Variants in STAU2 observed in about 807,000 individuals in gnomAD.
STAU2 encodes the protein double-stranded RNA-binding protein Staufen homolog 2.
STAU2 carries 20 observed loss-of-function variants against 65.9 expected under a neutral mutation model. The observed-to-expected ratio is 0.30, with a 90% CI of 0.21 to 0.44. The LOEUF (loss-of-function observed/expected upper bound fraction) is 0.44, where lower values mean the gene tolerates loss of function less well. Ranked by LOEUF, STAU2 falls within the 20% of genes least tolerant of loss-of-function variation. STAU2 has a pLI of 1.00. For synonymous variants in STAU2, 232 were observed against 233.9 expected (o/e 0.99, Z 0.07); for missense variants, 558 against 683.9 (o/e 0.82, Z 2.05).
At chr8:73,593,630 T>G (rs1810976494) in intron 11 of STAU2, among the ~76,000 whole-genome samples, 1 of 152,194 alleles carries the variant, frequency 6.6e-6, no homozygotes, top group South Asian at 2.1e-4. Context: ...AGTGGTGAAC[T>G]CTGAGTAAAG....
intron 13 of STAU2, among the ~76,000 whole-genome samples, chr8:73,543,275 C>T (rs1334194121): frequency 2.6e-5 from 4 of 152,104 alleles, no homozygotes; most frequent in Admixed American, 6.6e-5. Flanking sequence ...GGAAAATCGG[C>T]GGCAAGGGCG....
rs16938648 is a variant in STAU2, at chr8:73,420,561, C to T, written c.*811G>A. 6,105 of 207,274 alleles carry T rather than the reference C, an allele frequency of 0.029. 288 individuals are homozygous for T. The highest frequency in any genetic ancestry group is 0.13 in the Admixed American group (2,574 of 19,542). 12.8% of individuals were successfully genotyped at this position (207,274 alleles called of 1,614,324 possible). ...TACAAAAAACACTCTTGATGCAAAC[C>T]GTGAGTGGCTACAACACACGGATGG... On this transcript the variant is annotated 3_prime_UTR_variant, in exon 15 of 15. Coordinates refer to ENST00000524300, the MANE Select transcript of STAU2 (RefSeq NM_001164380.2).
intron 3 of STAU2, among the ~76,000 whole-genome samples, chr8:73,721,479 C>T (rs1397072943): frequency 6.6e-6 from 1 of 151,832 alleles, no homozygotes; most frequent in African/African-American, 2.4e-5. Flanking sequence ...ATTTTCTGTC[C>T]ACTTCTATCA....
At chr8:73,549,504 T>C (rs1015084992) in intron 13 of STAU2, 9 of 376,960 alleles carry the variant, frequency 2.4e-5, no homozygotes, top group African/African-American at 1.8e-4. Flanking sequence ...GAATTTGAGC[T>C]TGGATACCTA....
intron 3 of STAU2, among the ~76,000 whole-genome samples, chr8:73,709,549 C>T (rs1251553923): frequency 2.0e-5 from 3 of 151,838 alleles, no homozygotes; most frequent in Non-Finnish European, 4.4e-5. Context: ...ATCGTTTCAT[C>T]TCAATTTTTT....
intron 10 of STAU2, among the ~76,000 whole-genome samples, chr8:73,600,830 C>G (rs1286563890): frequency 6.6e-6 from 1 of 152,190 alleles, no homozygotes; most frequent in Non-Finnish European, 1.5e-5. Flanking sequence ...ACCCATTCAC[C>G]CAGCCCTTGC....
intron 12 of STAU2, among the ~76,000 whole-genome samples, chr8:73,579,916 T>C (rs988765281): frequency 6.6e-6 from 1 of 152,216 alleles, no homozygotes; most frequent in African/African-American, 2.4e-5. Context: ...CTAGTTGTAA[T>C]TGTTAGCAGT....
At position 73,613,763 on chromosome 8, in the gene STAU2, C is replaced by T. The variant is rs749339080; in HGVS notation, c.872G>A (p.Arg291His). The change falls in exon 9 of 15, where the codon CGC becomes CAC. Residue 291 changes from arginine (R) to histidine (H), a missense_variant. By Grantham distance (29) the Arg-to-His change is conservative. This residue lies in a region of STAU2 where 199 missense variants were observed against 299.5 expected (regional missense o/e 0.66). Coordinates refer to ENST00000524300, the MANE Select transcript of STAU2 (RefSeq NM_001164380.2). ...ACTTACCTTTACTATTGTTTTAGGG[C>T]GTTTTTTAAAAAATAGTTTTGGCTT... is the stretch of plus-strand genomic sequence containing the variant. ...VEKPKLFFKK[R>H]PKTIVKAGPE... 9.3e-6 allele frequency: 15 copies of T among 1,610,718 alleles called. No individual in the cohort carries two copies. In the East Asian group the frequency reaches 1.8e-4, roughly 19 times the overall value.
At chr8:73,746,401 T>C (rs1205267927) in intron 1 of STAU2, among the ~76,000 whole-genome samples, 2 of 140,788 alleles carry the variant, frequency 1.4e-5, no homozygotes, top group African/African-American at 5.4e-5. Context: ...CCCGGCCCCC[T>C]AGAACCCCAG....
chr8:73,532,609 CAG>C (rs1805891661), intron 13 of STAU2, among the ~76,000 whole-genome samples: 2 of 152,100 alleles, frequency 1.3e-5, no homozygotes, highest in Non-Finnish European at 2.9e-5. Context: ...GCCTCAGTGA[CAG>C]AGCGAGACCC....
At chr8:73,673,713 A>AT (rs1049107088) in intron 5 of STAU2, among the ~76,000 whole-genome samples, 6 of 152,038 alleles carry the variant, frequency 3.9e-5, no homozygotes, top group African/African-American at 1.4e-4. Flanking sequence ...AGTTTTTTGA[A>AT]TTTTTTCTAT....
At chr8:73,663,107 A>G (rs1315171915) in intron 6 of STAU2, among the ~76,000 whole-genome samples, 4 of 152,116 alleles carry the variant, frequency 2.6e-5, no homozygotes, top group African/African-American at 9.7e-5. Context: ...CCAATATAAA[A>G]TATTTTGGGC....
chr8:73,529,062 C>T (rs1432599108), intron 13 of STAU2, among the ~76,000 whole-genome samples: 1 of 152,082 alleles, frequency 6.6e-6, no homozygotes, highest in African/African-American at 2.4e-5. Context: ...ATCAAGTCAA[C>T]ATAAAAGCCT....
rs373353144 is a variant in STAU2, at chr8:73,436,821, A to G, written c.1531-14119T>C. Among the ~76,000 whole-genome samples, 87 of 152,068 alleles carry G rather than the reference A, an allele frequency of 5.7e-4. 1 individual carries two copies. In the South Asian group the frequency reaches 8.1e-3, roughly 14 times the overall value. On this transcript the variant is annotated intron_variant, in intron 13 of 14. Coordinates refer to ENST00000524300, the MANE Select transcript of STAU2 (RefSeq NM_001164380.2). ...GGGCTGGTCTCAAACTCCTGACCTC[A>G]GGTGATCTGCCCGCCTCAACCTCCC...
In STAU2 at chr8:73,574,002, C is replaced by T. The variant is rs989166462; in HGVS notation, c.1222+8768G>A. Among the ~76,000 whole-genome samples, 36 of 152,050 alleles carry T rather than the reference C, an allele frequency of 2.4e-4. 1 individual carries two copies. Among genetic ancestry groups the T allele is most frequent in the Middle Eastern group, 3.4e-3 (1 of 294 alleles). ...ATAGGAGAAAATTTTTGCAATCTAC[C>T]CATCTGACAAAGGGCTGATATCCAG... On this transcript the variant is annotated intron_variant, in intron 12 of 14. Transcript: ENST00000524300.
At chr8:73,468,691 G>A (rs1427103505) in intron 13 of STAU2, among the ~76,000 whole-genome samples, 1 of 152,204 alleles carries the variant, frequency 6.6e-6, no homozygotes, top group Non-Finnish European at 1.5e-5. Flanking sequence ...GCAGCCAACA[G>A]ACATATGAAA....
intron 6 of STAU2, among the ~76,000 whole-genome samples, chr8:73,619,173 A>T (rs1205483541): frequency 6.6e-6 from 1 of 152,124 alleles, no homozygotes; most frequent in Non-Finnish European, 1.5e-5. Context: ...GTGTGATGGG[A>T]GAAAAGCCAA....
chr8:73,642,727 C>T (rs1815084462), intron 6 of STAU2, among the ~76,000 whole-genome samples: 1 of 152,070 alleles, frequency 6.6e-6, no homozygotes, highest in South Asian at 2.1e-4. Flanking sequence ...AGGCAGGGGC[C>T]TGGGGAATGT....
At chr8:73,681,435 T>C (rs958958001) in intron 5 of STAU2, among the ~76,000 whole-genome samples, 1 of 152,112 alleles carries the variant, frequency 6.6e-6, no homozygotes, top group African/African-American at 2.4e-5. Context: ...TTTGCCACTA[T>C]CAAGTCAGCA....
Sources: gnomAD v4.1 joint callset for allele counts (sites outside exome capture counted in the v4.1 genomes callset) on GRCh38, gnomAD v4.1.1 for gene constraint, gnomAD v4.1.1 regional missense constraint, MANE v1.5 for transcripts, NCBI Gene and HGNC (gene_info 2026-07-23, HGNC 2026-07-21) for gene names.